The following SLC24A1 variants were observed in gnomAD, a reference collection of about 807,000 sequenced individuals.
SLC24A1 encodes solute carrier family 24 member 1, also known as sodium/potassium/calcium exchanger 1.
SLC24A1 carries 52 observed loss-of-function variants against 88.1 expected under a neutral mutation model. The observed-to-expected ratio is 0.59, with a 90% CI of 0.47 to 0.74. SLC24A1 has a LOEUF of 0.74. Ranked by LOEUF, SLC24A1 falls within the 30% of genes least tolerant of loss-of-function variation. The pLI, the probability that SLC24A1 is intolerant of heterozygous loss-of-function variation, is 0.00. For synonymous variants in SLC24A1, 455 were observed against 498.0 expected (o/e 0.91, Z 1.15); for missense variants, 1,173 against 1,363.3 (o/e 0.86, Z 2.20).
At chr15:65,642,820 T>C (rs1411899373) in intron 4 of SLC24A1, 1 of 364,834 alleles carries the variant, frequency 2.7e-6, no homozygotes, top group African/African-American at 2.1e-5. Flanking sequence ...TCCAGACCCA[T>C]TTATCTGTTT....
chr15:65,643,938 T>C (rs2075219242), intron 4 of SLC24A1: 1 of 158,848 alleles, frequency 6.3e-6, no homozygotes, highest in Non-Finnish European at 1.4e-5. Context: ...GAAAGTAAGC[T>C]ACAAAGATAA....
intron 2 of SLC24A1, among the ~76,000 whole-genome samples, chr15:65,615,453 TG>T (rs1212924980): frequency 3.3e-5 from 5 of 152,132 alleles, no homozygotes; most frequent in African/African-American, 1.2e-4. Flanking sequence ...GAGGCCGAGG[TG>T]GGTAGATCAC....
At chr15:65,635,252 C>T (rs1440314406) in intron 2 of SLC24A1, among the ~76,000 whole-genome samples, 7 of 151,484 alleles carry the variant, frequency 4.6e-5, no homozygotes, top group Admixed American at 3.9e-4. Context: ...GAGGCCGAGG[C>T]GGGTGGATCA....
In SLC24A1 at chr15:65,652,712, C is replaced by G. The variant is rs780143757; in HGVS notation, c.2954C>G (p.Pro985Arg). 7 of 1,613,812 alleles carry G rather than the reference C, an allele frequency of 4.3e-6. No homozygotes were observed. The highest frequency in any genetic ancestry group is 5.9e-6 in the Non-Finnish European group (7 of 1,179,860). Residue 985 changes from proline (P) to arginine (R), a missense_variant, in exon 9 of 10, where the codon CCT becomes CGT. By Grantham distance (103) the Pro-to-Arg change is moderately radical. Transcript: ENST00000261892. ...LTILAAGTSI[P>R]DLITSVIVAR... Reference sequence around the variant, plus strand: ...ATCCTTGCAGCAGGCACATCAATTCCTGACCTCATCACCAGTGTGATTGTC... The same window carrying G: ...ATCCTTGCAGCAGGCACATCAATTCGTGACCTCATCACCAGTGTGATTGTC...
chr15:65,655,250 T>TTA lies in SLC24A1; in HGVS notation c.*1174_*1175dup. On this transcript the variant is annotated 3_prime_UTR_variant, in exon 10 of 10. Coordinates refer to ENST00000261892, the MANE Select transcript of SLC24A1 (RefSeq NM_004727.3). ...CAAAGTCAGTAGCGCCACATCTGGT[T>TTA]TATAAAGTAAGAGATCCAGTGGGAC... The TTA allele has an allele frequency of 1.0e-6, 1 of 985,608 alleles. No individual in the cohort carries two copies. The highest frequency in any genetic ancestry group is 1.2e-6 in the Non-Finnish European group (1 of 830,094). The allele number at this position is 985,608 out of a possible 1,614,324, so 61.1% of individuals were successfully genotyped here.
chr15:65,660,260 T>C, downstream of SLC24A1: 2 of 1,531,888 alleles, frequency 1.3e-6, no homozygotes, highest in Non-Finnish European at 1.7e-6. Flanking sequence ...ATTTTTAAAC[T>C]CTCTCCATTA....
chr15:65,630,688 T>A (rs1161828231), intron 2 of SLC24A1, among the ~76,000 whole-genome samples: 1 of 152,180 alleles, frequency 6.6e-6, no homozygotes, highest in Non-Finnish European at 1.5e-5. Flanking sequence ...CTTAATCTTT[T>A]GGCCAGGTGC....
chr15:65,636,945 A>G (rs1396723955), intron 2 of SLC24A1, among the ~76,000 whole-genome samples: 2 of 151,824 alleles, frequency 1.3e-5, no homozygotes, highest in Non-Finnish European at 2.9e-5. Flanking sequence ...CTACTCATTC[A>G]GCTCACCTTT....
chr15:65,656,378 T>C (rs1321376761), downstream of SLC24A1: 2 of 391,220 alleles, frequency 5.1e-6, no homozygotes, highest in Non-Finnish European at 7.0e-6. Context: ...TGAGTCTTGA[T>C]GAATGAGTAG....
rs766563238 is a variant in SLC24A1 at position 65,624,709 on chromosome 15, C to G, written c.629C>G (p.Thr210Arg). 1.2e-6 allele frequency: 2 copies of G among 1,610,030 alleles called. No individual in the cohort carries two copies. Among genetic ancestry groups the G allele is most frequent in the African/African-American group, 2.7e-5 (2 of 74,844 alleles). ...YVPSTFMTME[T>R]SHAITPRTTV... is the part of the protein sequence containing the mutation. ...CCGTCCACATTCATGACAATGGAAA[C>G]AAGCCATGCGATCACCCCCAGGACA... Residue 210 changes from threonine (T) to arginine (R), a missense_variant, in exon 2 of 10, where the codon ACA (threonine) becomes AGA (arginine). Thr to Arg is a moderately conservative substitution (Grantham distance 71). Coordinates refer to ENST00000261892, the MANE Select transcript of SLC24A1 (RefSeq NM_004727.3).
chr15:65,659,324 T>TTG (rs2075779809), downstream of SLC24A1: 1 of 59,610 alleles, frequency 1.7e-5, no homozygotes, highest in Non-Finnish European at 3.1e-5. Context: ...ATTTTCTGGT[T>TTG]TTTTTTTTTT....
In SLC24A1 at chr15:65,652,684, A is replaced by G; in HGVS notation, c.2926A>G (p.Thr976Ala). 1 of 1,613,966 alleles carries G rather than the reference A, an allele frequency of 6.2e-7. No individual in the cohort carries two copies. The highest frequency in any genetic ancestry group is 2.2e-5 in the East Asian group (1 of 44,884). Reference protein sequence around the residue: ...IGISEEIMGLTILAAGTSIPD... With the variant: ...IGISEEIMGLAILAAGTSIPD... ...GATTTCTGAAGAGATCATGGGCCTG[A>G]CAATCCTTGCAGCAGGCACATCAAT... Residue 976 changes from threonine (T) to alanine (A), a missense_variant, in exon 9 of 10, where the codon ACA (threonine) becomes GCA (alanine). By Grantham distance (58) the Thr-to-Ala change is moderately conservative (BLOSUM62 0). Transcript: ENST00000261892.
rs1019419697 is a variant in SLC24A1, at chr15:65,655,609, G to T, written c.*1530G>T. The T allele has an allele frequency of 3.0e-6, 3 of 985,198 alleles. No homozygotes were observed. The highest frequency in any genetic ancestry group is 9.4e-5 in the South Asian group (2 of 21,286). 61.0% of individuals were successfully genotyped at this position (985,198 alleles called of 1,614,324 possible). On this transcript the variant is annotated 3_prime_UTR_variant, in exon 10 of 10. Transcript: ENST00000261892. The stretch of plus-strand genomic sequence containing the variant: ...TGGCTTCAGAGCAAAATGAGCTCGG[G>T]TGACTGCAGATTATGATGGTAAATA...
intron 2 of SLC24A1, among the ~76,000 whole-genome samples, chr15:65,635,037 C>T (rs567316377): frequency 6.6e-6 from 1 of 152,086 alleles, no homozygotes; most frequent in Non-Finnish European, 1.5e-5. Context: ...AACAATGAAT[C>T]CTTAGAAAGG....
At chr15:65,653,534 C>T (rs937233867) in intron 9 of SLC24A1, among the ~76,000 whole-genome samples, 2 of 150,396 alleles carry the variant, frequency 1.3e-5, no homozygotes, top group Admixed American at 6.6e-5. Context: ...AGGCACACAT[C>T]AACTGATCTG....
chr15:65,615,547 A>T (rs774222781), intron 2 of SLC24A1, among the ~76,000 whole-genome samples: 1 of 151,840 alleles, frequency 6.6e-6, no homozygotes, highest in Non-Finnish European at 1.5e-5. Flanking sequence ...GCCGGCTGTC[A>T]TGGCGGGCAC....
chr15:65,633,978 C>T (rs952187737), intron 2 of SLC24A1, among the ~76,000 whole-genome samples: 3 of 151,936 alleles, frequency 2.0e-5, no homozygotes, highest in Non-Finnish European at 4.4e-5. Context: ...AGAGACAAGG[C>T]GAAATGTGAG....
chr15:65,615,707 G>A (rs1310275246), intron 2 of SLC24A1, among the ~76,000 whole-genome samples: 1 of 151,984 alleles, frequency 6.6e-6, no homozygotes, highest in Non-Finnish European at 1.5e-5. Context: ...TGTGTCTATG[G>A]ATAAAAATTC....
At chr15:65,657,449 G>A (rs1002041668), downstream of SLC24A1, among the ~76,000 whole-genome samples, 2 of 151,858 alleles carry the variant, frequency 1.3e-5, no homozygotes, top group Non-Finnish European at 2.9e-5. Context: ...AGACCATCCT[G>A]GCTAACACGG....
Sources: gnomAD v4.1 joint callset for allele counts (sites outside exome capture counted in the v4.1 genomes callset) on GRCh38, gnomAD v4.1.1 for gene constraint, MANE v1.5 for transcripts, NCBI Gene and HGNC (gene_info 2026-07-23, HGNC 2026-07-21) for gene names.